DIP2B: variants seen among roughly 807,000 people sequenced by gnomAD.
The protein encoded by DIP2B is disco-interacting protein 2 homolog B.
In DIP2B, 76 loss-of-function variants were observed where a neutral mutation model predicts 198.0. The ratio of observed to expected loss-of-function variants is 0.38; its 90% CI spans 0.32 to 0.46. The LOEUF is 0.46. DIP2B is among the 20% of genes least tolerant of loss of function. The pLI is 0.99. For missense variants in DIP2B, 1,559 were observed against 1,978.4 expected, an observed-to-expected ratio of 0.79 and a Z score of 4.02; for synonymous variants, 701 against 739.1, an observed-to-expected ratio of 0.95 and a Z score of 0.84.
chr12:50,697,736 G>T (rs1156260847), intron 17 of DIP2B, among the ~76,000 whole-genome samples: 1 of 151,408 alleles, frequency 6.6e-6, no homozygotes, highest in African/African-American at 2.4e-5. Context: ...TTGTTATGTT[G>T]CCCAGGCTGG....
chr12:50,540,912 A>G (rs1273098314), intron 1 of DIP2B, among the ~76,000 whole-genome samples: 2 of 152,162 alleles, frequency 1.3e-5, no homozygotes, highest in African/African-American at 2.4e-5. Flanking sequence ...TAAGATGCCT[A>G]TATAGCAGTC....
chr12:50,572,413 T>C (rs1464317665), intron 1 of DIP2B, among the ~76,000 whole-genome samples: 1 of 152,220 alleles, frequency 6.6e-6, no homozygotes, highest in Non-Finnish European at 1.5e-5. Context: ...AAGCATTTGC[T>C]AGGGAGAGAG....
intron 1 of DIP2B, among the ~76,000 whole-genome samples, chr12:50,581,574 C>G (rs58727108): frequency 2.7e-5 from 4 of 149,222 alleles, no homozygotes; most frequent in African/African-American, 4.9e-5. Flanking sequence ...ACCATATACC[C>G]TAGGAGGGGC....
chr12:50,693,976 G>A, intron 14 of DIP2B, among the ~76,000 whole-genome samples: 1 of 152,122 alleles, frequency 6.6e-6, no homozygotes, highest in East Asian at 1.9e-4. Context: ...CTTGATTAGA[G>A]TGGCAGGAGA....
chr12:50,744,783 C>T lies in DIP2B; in HGVS notation c.4675C>T (p.Arg1559Cys), dbSNP rs376024457. 3.1e-6 allele frequency: 5 copies of T among 1,614,046 alleles called. No individual in the cohort carries two copies. Among genetic ancestry groups the T allele is most frequent in the South Asian group, 2.2e-5 (2 of 91,086 alleles). ...SRGEKQRMHL[R>C]DSFLADQLDP... Reference sequence around the variant, plus strand: ...AGGAGAGAAGCAGAGGATGCACCTCCGTGATAGCTTCCTAGCTGACCAGTT... The same window carrying T: ...AGGAGAGAAGCAGAGGATGCACCTCTGTGATAGCTTCCTAGCTGACCAGTT... Residue 1559 changes from arginine to cysteine, a missense_variant, in exon 38 of 38, where the codon CGT becomes TGT. Physicochemically the swap from Arg to Cys is radical, Grantham distance 180. Transcript: ENST00000301180.
intron 9 of DIP2B, among the ~76,000 whole-genome samples, chr12:50,681,089 C>G (rs1939032307): frequency 6.6e-6 from 1 of 152,112 alleles, no homozygotes; most frequent in South Asian, 2.1e-4. Flanking sequence ...AGCAACAAAA[C>G]TTACTCTCTG....
chr12:50,743,638 G>A (rs770554571), intron 37 of DIP2B: 1 of 152,014 alleles, frequency 6.6e-6, no homozygotes, highest in African/African-American at 2.4e-5. Context: ...CAAACTATTC[G>A]TTCTACTCTT....
intron 32 of DIP2B, among the ~76,000 whole-genome samples, chr12:50,733,723 G>A (rs938156705): frequency 2.0e-5 from 3 of 152,184 alleles, no homozygotes; most frequent in Non-Finnish European, 4.4e-5. Context: ...AAATAATAAG[G>A]CAAATATAGG....
rs949908841 is a variant in DIP2B at position 50,580,186 on chromosome 12, G to T, written c.101-45790G>T. On this transcript the variant is annotated intron_variant, in intron 1 of 37. Transcript: ENST00000301180. ...TTCTGAAGAAGTCTTTAGGGCTCCA[G>T]GACAGGAGAGACTCTTAGGCTAAAA... 2.3e-4 allele frequency among the ~76,000 whole-genome samples: 34 copies of T among 148,772 alleles called. 2 individuals are homozygous for T. Among genetic ancestry groups the T allele is most frequent in the African/African-American group, 7.4e-4 (30 of 40,674 alleles).
chr12:50,600,775 A>G lies in DIP2B; in HGVS notation c.101-25201A>G, dbSNP rs182579458. 2.6e-5 allele frequency among the ~76,000 whole-genome samples: 4 copies of G among 152,132 alleles called. No individual in the cohort carries two copies. In the East Asian group the frequency reaches 5.8e-4, roughly 22 times the overall value. ...GCCTAGAACATGTTTATGTTTCTCA[A>G]TTCATTGATTTGCATAGCTATTTCC... On this transcript the variant is annotated intron_variant, in intron 1 of 37. Coordinates refer to ENST00000301180, the MANE Select transcript of DIP2B (RefSeq NM_173602.3).
At chr12:50,690,484 C>G (rs1435177129) in intron 12 of DIP2B, among the ~76,000 whole-genome samples, 1 of 152,108 alleles carries the variant, frequency 6.6e-6, no homozygotes, top group East Asian at 1.9e-4. Context: ...CCAGGAGTTC[C>G]AATCCAGCCT....
At chr12:50,526,626 CTTTTT>C (rs11423846) in intron 1 of DIP2B, among the ~76,000 whole-genome samples, 30 of 64,180 alleles carry the variant, frequency 4.7e-4, no homozygotes, top group African/African-American at 2.0e-3. Context: ...TTTCCTCTGC[CTTTTT>C]TTTTTTTTTT....
Position 50,691,139 on chromosome 12 carries a change from A to G in DIP2B, c.1642A>G (p.Asn548Asp). 2 of 1,614,088 alleles carry G rather than the reference A, an allele frequency of 1.2e-6. No homozygotes were observed. The highest frequency in any genetic ancestry group is 1.7e-6 in the Non-Finnish European group (2 of 1,179,986). ...SHCQALSQAC[N>D]YSEGETIVNV... ...CTGCCAAGCTCTGTCGCAGGCCTGCAATTATTCTGAAGGTCAGACCTCATC... is the reference window on the plus strand; with the variant it reads ...CTGCCAAGCTCTGTCGCAGGCCTGCGATTATTCTGAAGGTCAGACCTCATC... Residue 548 changes from asparagine to aspartate, a missense_variant, in exon 13 of 38, where the codon AAT becomes GAT. Transcript: ENST00000301180.
intron 25 of DIP2B, among the ~76,000 whole-genome samples, chr12:50,719,548 A>G (rs1442814433): frequency 6.6e-6 from 1 of 152,166 alleles, no homozygotes; most frequent in Non-Finnish European, 1.5e-5. Context: ...TCGTTATAAT[A>G]CTGTATTTTA....
chr12:50,732,238 C>G (rs949085972), intron 31 of DIP2B, 128 bp from the exon 32 acceptor site: 125 of 982,788 alleles, frequency 1.3e-4, no homozygotes, highest in Non-Finnish European at 1.6e-4. Context: ...GCTTTTTTCT[C>G]TGTGTGCCTG....
chr12:50,516,521 AGAGATTAT>A (rs758330055), intron 1 of DIP2B, among the ~76,000 whole-genome samples: 2 of 151,950 alleles, frequency 1.3e-5, no homozygotes, highest in Non-Finnish European at 2.9e-5. Context: ...CCCAAAGTGC[AGAGATTAT>A]GACTGTGAGC....
At chr12:50,547,469 A>C (rs925908345) in intron 1 of DIP2B, among the ~76,000 whole-genome samples, 1 of 152,204 alleles carries the variant, frequency 6.6e-6, no homozygotes, top group African/African-American at 2.4e-5. Flanking sequence ...ATATTAATCG[A>C]AGTATTATTT....
At chr12:50,690,366 G>A (rs1048782530) in intron 12 of DIP2B, among the ~76,000 whole-genome samples, 6 of 152,146 alleles carry the variant, frequency 3.9e-5, no homozygotes, top group East Asian at 1.9e-4. Context: ...GATTACAGGC[G>A]TGAGCCACCG....
intron 3 of DIP2B, among the ~76,000 whole-genome samples, chr12:50,642,155 A>G (rs1938267250): frequency 6.6e-6 from 1 of 152,180 alleles, no homozygotes; most frequent in Non-Finnish European, 1.5e-5. Context: ...TTGTAATTTT[A>G]TACCTAAACT....
Sources: allele counts gnomAD v4.1 joint callset (sites outside exome capture counted in the v4.1 genomes callset), GRCh38; gene constraint gnomAD v4.1.1; transcripts MANE v1.5; gene names NCBI Gene and HGNC (gene_info 2026-07-23, HGNC 2026-07-21).